CARD8: variants seen among roughly 807,000 people sequenced by gnomAD.
The protein encoded by CARD8 is caspase recruitment domain family member 8.
Under a neutral mutation model 53.2 loss-of-function variants are expected in CARD8, and 38 were observed. The ratio of observed to expected loss-of-function variants is 0.71; its 90% confidence interval spans 0.55 to 0.94. CARD8 has a LOEUF of 0.94. CARD8 is among the 40% of genes least tolerant of loss of function. The pLI, the probability that CARD8 is intolerant of heterozygous loss-of-function variation, is 0.00. For synonymous variants in CARD8, 245 were observed against 244.9 expected (o/e 1.00, Z 0.00); for missense variants, 561 against 655.5 (o/e 0.86, Z 1.57).
At chr19:48,224,930 T>C (rs892558662) in intron 10 of CARD8, among the ~76,000 whole-genome samples, 7 of 151,876 alleles carry the variant, frequency 4.6e-5, no homozygotes, top group Non-Finnish European at 1.0e-4. Context: ...ATTGTTTGTA[T>C]TGTTAGTAGA....
At chr19:48,236,539 A>T (rs1423398231) in intron 5 of CARD8, among the ~76,000 whole-genome samples, 1 of 152,160 alleles carries the variant, frequency 6.6e-6, no homozygotes, top group African/African-American at 2.4e-5. Context: ...TAAACAAAGT[A>T]GTTCTTTAAG....
intron 1 of CARD8, among the ~76,000 whole-genome samples, chr19:48,253,123 A>G (rs527732134): frequency 6.6e-6 from 1 of 152,338 alleles, no homozygotes; most frequent in African/African-American, 2.4e-5. Flanking sequence ...GTGGTACAGG[A>G]AAACGTATAT....
In CARD8 at chr19:48,232,205, C is replaced by A. The variant is rs778998732; in HGVS notation, c.391+248G>T. 1.1e-4 allele frequency: 63 copies of A among 589,236 alleles called. 1 individual carries two copies. The highest frequency in any genetic ancestry group is 1.1e-3 in the South Asian group (53 of 49,648). The allele number at this position is 589,236 out of a possible 1,614,324, so 36.5% of individuals were successfully genotyped here. ...AAAGATGCAGAGGCGAAAGAGCGTG[C>A]ATCCTTCCTAGGCCCTGCTGCTGTC... On this transcript the variant is annotated intron_variant, in intron 7 of 13. Transcript: ENST00000651546.
At chr19:48,232,537 A>T (rs1460536325) in intron 6 of CARD8, 44 bp from the exon 7 acceptor site, 2 of 1,489,784 alleles carry the variant, frequency 1.3e-6, no homozygotes, top group Non-Finnish European at 1.8e-6. Context: ...GAAAAACATC[A>T]AGAATCAGTT....
At chr19:48,234,973 G>T (rs1288996239) in intron 5 of CARD8, among the ~76,000 whole-genome samples, 1 of 152,158 alleles carries the variant, frequency 6.6e-6, no homozygotes, top group African/African-American at 2.4e-5. Context: ...AAATGATTGG[G>T]ATTGCAGGGC....
chr19:48,242,985 T>C (rs1455652992), intron 3 of CARD8, among the ~76,000 whole-genome samples: 1 of 152,148 alleles, frequency 6.6e-6, no homozygotes, highest in Non-Finnish European at 1.5e-5. Flanking sequence ...AGATTAACTT[T>C]TATATAATAA....
At chr19:48,236,806 C>T (rs2043976497) in intron 5 of CARD8, among the ~76,000 whole-genome samples, 1 of 151,348 alleles carries the variant, frequency 6.6e-6, no homozygotes, top group Admixed American at 6.6e-5. Flanking sequence ...TGGAGTTTTG[C>T]TCTTGTTGCC....
At chr19:48,242,751 G>A (rs886683138) in intron 3 of CARD8, 1 of 152,096 alleles carries the variant, frequency 6.6e-6, no homozygotes, top group Non-Finnish European at 1.5e-5. Context: ...TGGGTCATAT[G>A]GTAACTCTAT....
downstream of CARD8, among the ~76,000 whole-genome samples, chr19:48,207,734 G>GTTTTTTTTTTTTTGTTTTTTTTTT (rs1555790116): frequency 5.1e-5 from 6 of 116,548 alleles, no homozygotes; most frequent in Non-Finnish European, 6.9e-5. Context: ...TTGTTTTTCT[G>GTTTTTTTTTTTTTGTTTTTTTTTT]TTTTTTTTTT....
rs775658778 is a variant in CARD8, at chr19:48,221,841, CTCA to C, written c.1047_1049del (p.Asp349del). ...GGCGCACACCATGGAAGCGATCTTC[CTCA>C]TCATCTATCGCCTAAGGAAGAAGGG... On this transcript the variant is annotated inframe_deletion, in exon 11 of 14. Coordinates refer to ENST00000651546, the MANE Select transcript of CARD8 (RefSeq NM_001184900.3). 6 of 1,601,304 alleles carry C rather than the reference CTCA, an allele frequency of 3.7e-6. No homozygotes were observed. Among genetic ancestry groups the C allele is most frequent in the Non-Finnish European group, 5.1e-6 (6 of 1,171,894 alleles).
Position 48,218,813 on chromosome 19 carries a change from G to C in CARD8, c.1303+58C>G, listed in dbSNP as rs570692076. On this transcript the variant is annotated intron_variant, in intron 12 of 13. Coordinates refer to ENST00000651546, the MANE Select transcript of CARD8 (RefSeq NM_001184900.3). ...ACAAGATTTCTTCTTTGAAATCCAA[G>C]GATAGAGGTACATGATGGATCCCTG... The C allele has an allele frequency of 5.2e-6, 8 of 1,551,462 alleles. No homozygotes were observed. In the African/African-American group the frequency reaches 1.1e-4, roughly 21 times the overall value.
In CARD8 at chr19:48,211,570, G is replaced by A. The variant is rs1254562864; in HGVS notation, c.*140C>T. 1 of 774,108 alleles carries A rather than the reference G, an allele frequency of 1.3e-6. No homozygotes were observed. The highest frequency in any genetic ancestry group is 1.7e-5 in the African/African-American group (1 of 57,924). 48.0% of individuals were successfully genotyped at this position (774,108 alleles called of 1,614,324 possible). On this transcript the variant is annotated 3_prime_UTR_variant, in exon 14 of 14. Coordinates refer to ENST00000651546, the MANE Select transcript of CARD8 (RefSeq NM_001184900.3). ...TCAATAGGTACATGCCAGGTTACAA[G>A]TCTGTCCTGAAAGCCTGTGTGATAG...
chr19:48,217,413 T>C (rs2039561707), intron 12 of CARD8, among the ~76,000 whole-genome samples: 1 of 152,254 alleles, frequency 6.6e-6, no homozygotes, highest in Non-Finnish European at 1.5e-5. Flanking sequence ...TCCTTCTTCC[T>C]GGGCATTCAG....
chr19:48,222,256 G>A (rs531853719), intron 10 of CARD8, among the ~76,000 whole-genome samples: 8 of 152,190 alleles, frequency 5.3e-5, no homozygotes, highest in Middle Eastern at 3.2e-3. Context: ...CTGTGAACAC[G>A]TCTATGATGG....
At chr19:48,239,144 G>A (rs1450401678) in intron 4 of CARD8, among the ~76,000 whole-genome samples, 1 of 152,220 alleles carries the variant, frequency 6.6e-6, no homozygotes, top group Non-Finnish European at 1.5e-5. Context: ...TGAATGGACT[G>A]AGCTTATTTG....
intron 3 of CARD8, among the ~76,000 whole-genome samples, chr19:48,245,344 C>T (rs1369502760): frequency 3.3e-5 from 5 of 152,086 alleles, no homozygotes; most frequent in East Asian, 1.9e-4. Flanking sequence ...CAAGTAGCTG[C>T]GATTACAGAC....
At chr19:48,228,508 G>C (rs2042222145) in intron 10 of CARD8, among the ~76,000 whole-genome samples, 1 of 152,158 alleles carries the variant, frequency 6.6e-6, no homozygotes, top group South Asian at 2.1e-4. Flanking sequence ...GCTAAACAGA[G>C]CCATTCTAAG....
intron 3 of CARD8, chr19:48,242,506 C>T (rs1358211823): frequency 6.6e-6 from 1 of 152,232 alleles, no homozygotes; most frequent in Non-Finnish European, 1.5e-5. Flanking sequence ...CGTATGTTTT[C>T]AAGGTCCATC....
chr19:48,218,989 G>A lies in CARD8; in HGVS notation c.1185C>T (p.Ser395=), dbSNP rs757674611. The A allele has an allele frequency of 4.3e-6, 7 of 1,613,894 alleles. No individual in the cohort carries two copies. Among genetic ancestry groups the A allele is most frequent in the Non-Finnish European group, 5.9e-6 (7 of 1,179,826 alleles). The part of the protein sequence containing the change: ...MPKELKLSYR[S]PGEIQHFSKF... ...TTGAGAAGTGCTGAATTTCTCCAGG[G>A]CTCCTGTAGGACAATTTCAACTCCT... is the stretch of plus-strand genomic sequence containing the variant. The change falls in exon 12 of 14, where the codon AGC becomes AGT. Residue 395 remains serine, a synonymous_variant. Transcript: ENST00000651546.
Sources: allele counts gnomAD v4.1 joint callset (sites outside exome capture counted in the v4.1 genomes callset), GRCh38; gene constraint gnomAD v4.1.1; transcripts MANE v1.5; gene names NCBI Gene and HGNC (gene_info 2026-07-23, HGNC 2026-07-21).